Variants in BMPER observed in about 807,000 individuals in gnomAD.
The protein encoded by BMPER is BMP-binding endothelial regulator protein.
BMPER carries 45 observed loss-of-function variants against 87.3 expected under a neutral mutation model. The ratio of observed to expected loss-of-function variants is 0.52; its 90% confidence interval spans 0.41 to 0.66. The LOEUF (loss-of-function observed/expected upper bound fraction) is 0.66. Ranked by LOEUF, BMPER falls within the 30% of genes least tolerant of loss-of-function variation. The pLI, the probability that BMPER is intolerant of heterozygous loss-of-function variation, is 0.00. For missense variants in BMPER, 784 were observed against 867.5 expected, an observed-to-expected ratio of 0.90 and a Z score of 1.21; for synonymous variants, 326 against 316.2, an observed-to-expected ratio of 1.03 and a Z score of -0.33.
intron 13 of BMPER, among the ~76,000 whole-genome samples, chr7:34,101,346 G>C (rs919514561): frequency 6.6e-6 from 1 of 152,180 alleles, no homozygotes; most frequent in Non-Finnish European, 1.5e-5. Flanking sequence ...CAGGTGTACG[G>C]CACCCCTCAT....
intron 13 of BMPER, among the ~76,000 whole-genome samples, chr7:34,131,485 A>G (rs185556255): frequency 2.0e-5 from 3 of 152,304 alleles, no homozygotes; most frequent in African/African-American, 7.2e-5. Context: ...TAATGCACGT[A>G]GTGGAGGATT....
In BMPER at chr7:34,008,187, T is replaced by C. The variant is rs552062702; in HGVS notation, c.576+33403T>C. On this transcript the variant is annotated intron_variant, in intron 6 of 14. Coordinates refer to ENST00000649409, the MANE Select transcript of BMPER (RefSeq NM_001365308.1). ...AATGAAATATGGTACTTAAGTTATA[T>C]GTATTTCCACTTTTGTGAAGAGTCT... Among the ~76,000 whole-genome samples, 10 of 152,158 alleles carry C rather than the reference T, an allele frequency of 6.6e-5. No homozygotes were observed. The East Asian group carries it at 1.7e-3, about 27-fold the overall frequency.
At chr7:33,935,145 G>C (rs1585652230) in intron 2 of BMPER, among the ~76,000 whole-genome samples, 2 of 152,036 alleles carry the variant, frequency 1.3e-5, no homozygotes, top group Non-Finnish European at 2.9e-5. Context: ...TAAATCTAAG[G>C]GCTGTGCCTT....
At position 33,974,710 on chromosome 7, in the gene BMPER, T is replaced by C. The variant is rs1419254657; in HGVS notation, c.502T>C (p.Phe168Leu). The C allele has an allele frequency of 2.5e-6, 4 of 1,613,872 alleles. No individual in the cohort carries two copies. The highest frequency in any genetic ancestry group is 3.4e-6 in the Non-Finnish European group (4 of 1,179,954). The change falls in exon 6 of 15, where the codon TTT becomes CTT. Residue 168 changes from phenylalanine (F) to leucine (L), a missense_variant. By Grantham distance (22) the Phe-to-Leu change is conservative. Transcript: ENST00000649409. ...TCTTGTCTGCTTTCCAGGCTGTGTG[T>C]TTGAGGGTGTGCAGTATCAAGAAGG... ...MCCPTCPGCV[F>L]EGVQYQEGEE...
At chr7:33,918,350 G>C (rs1784135953) in intron 2 of BMPER, among the ~76,000 whole-genome samples, 1 of 152,204 alleles carries the variant, frequency 6.6e-6, no homozygotes, top group South Asian at 2.1e-4. Context: ...TTTGTGCCAA[G>C]ATACTAAAAT....
chr7:34,110,185 T>C (rs1381452967), intron 13 of BMPER, among the ~76,000 whole-genome samples: 1 of 152,156 alleles, frequency 6.6e-6, no homozygotes, highest in African/African-American at 2.4e-5. Context: ...ATTTTTATCA[T>C]CTTTGGTCTT....
At chr7:33,908,746 G>A (rs530970311) in intron 2 of BMPER, among the ~76,000 whole-genome samples, 34 of 152,296 alleles carry the variant, frequency 2.2e-4, no homozygotes, top group African/African-American at 7.9e-4. Context: ...TAGGACTTTG[G>A]CTATCAGCTT....
chr7:34,001,317 A>AT (rs148396071), intron 6 of BMPER, among the ~76,000 whole-genome samples: 2,427 of 151,896 alleles, frequency 0.016, 75 homozygotes, highest in African/African-American at 0.056. Context: ...CTTCATGGGA[A>AT]TTTTTTGAAT....
intron 13 of BMPER, among the ~76,000 whole-genome samples, chr7:34,126,726 A>T (rs1048715428): frequency 6.6e-6 from 1 of 152,108 alleles, no homozygotes; most frequent in African/African-American, 2.4e-5. Flanking sequence ...TGTGTAATTC[A>T]CTTCACTCAC....
chr7:33,995,605 T>C (rs1786385807), intron 6 of BMPER, among the ~76,000 whole-genome samples: 1 of 152,132 alleles, frequency 6.6e-6, no homozygotes, highest in South Asian at 2.1e-4. Flanking sequence ...CCATGTAAGA[T>C]TGATGATATT....
chr7:34,156,370 C>T lies in BMPER; in HGVS notation c.*3097C>T, dbSNP rs1791300257. ...TAAGAAACATAACCTGGTAAGTAGT[C>T]AATAAATTTTTCTTGAATCAATAAA... On this transcript the variant is annotated 3_prime_UTR_variant, in exon 15 of 15. Transcript: ENST00000649409. Among the ~76,000 whole-genome samples the T allele has an allele frequency of 6.6e-6, 1 of 152,180 alleles. No individual in the cohort carries two copies. The highest frequency in any genetic ancestry group is 1.5e-5 in the Non-Finnish European group (1 of 68,030).
intron 2 of BMPER, among the ~76,000 whole-genome samples, chr7:33,936,682 T>C (rs953270485): frequency 3.9e-5 from 6 of 152,214 alleles, no homozygotes; most frequent in African/African-American, 1.4e-4. Context: ...TCACCACATG[T>C]TCATTAGCAT....
intron 3 of BMPER, among the ~76,000 whole-genome samples, chr7:33,940,442 A>G (rs549932493): frequency 1.3e-5 from 2 of 152,320 alleles, no homozygotes; most frequent in East Asian, 3.9e-4. Context: ...GTAAAGGAAT[A>G]AGGACTGGAG....
At chr7:33,973,113 C>T (rs1380475945) in intron 5 of BMPER, among the ~76,000 whole-genome samples, 2 of 152,176 alleles carry the variant, frequency 1.3e-5, no homozygotes, top group Admixed American at 1.3e-4. Flanking sequence ...GCTCTTTGCT[C>T]AGGAATGGTG....
chr7:34,071,646 G>A (rs1400361365), intron 11 of BMPER, among the ~76,000 whole-genome samples: 4 of 137,840 alleles, frequency 2.9e-5, no homozygotes. Context: ...TGGATAGTGA[G>A]AGTGGCAAAA....
In BMPER at chr7:34,058,063, G is replaced by C. The variant is rs779852774; in HGVS notation, c.932G>C (p.Gly311Ala). 1.4e-5 allele frequency: 23 copies of C among 1,613,874 alleles called. No individual in the cohort carries two copies. The highest frequency in any genetic ancestry group is 1.7e-5 in the Non-Finnish European group (20 of 1,179,906). The change falls in exon 10 of 15, where the codon GGA becomes GCA. Residue 311 changes from glycine to alanine, a missense_variant. By Grantham distance (60) the Gly-to-Ala change is moderately conservative. Coordinates refer to ENST00000649409, the MANE Select transcript of BMPER (RefSeq NM_001365308.1). ...CKFGNKIFQDGEMWSSINCTI... is the reference protein window; with the variant it reads ...CKFGNKIFQDAEMWSSINCTI... ...ATCCTGTGCCCTCTCTTGTAGGATG[G>C]AGAGATGTGGTCCTCTATCAATTGT...
upstream of BMPER, chr7:33,905,419 GC>G (rs369109940): frequency 2.7e-5 from 3 of 110,466 alleles, no homozygotes; most frequent in South Asian, 5.5e-4. Flanking sequence ...CTCCCCGGGC[GC>G]CCCCACACCT....
upstream of BMPER, chr7:33,904,949 C>T (rs557412277): frequency 6.5e-6 from 1 of 153,042 alleles, no homozygotes; most frequent in East Asian, 1.9e-4. The surrounding 1 kb of genome is among the most constrained non-coding windows in gnomAD (Gnocchi z 5.4). Context: ...TGGTCCGCGC[C>T]CTGGGGCCCT....
intron 6 of BMPER, among the ~76,000 whole-genome samples, chr7:34,002,162 A>G (rs1429008754): frequency 6.6e-6 from 1 of 151,776 alleles, no homozygotes; most frequent in Non-Finnish European, 1.5e-5. Context: ...CGTTCTCTGT[A>G]GACAGATGAC....
Sources: allele counts gnomAD v4.1 joint callset (sites outside exome capture counted in the v4.1 genomes callset), GRCh38; gene constraint gnomAD v4.1.1; non-coding constraint Gnocchi (gnomAD v3.1); transcripts MANE v1.5; gene names NCBI Gene and HGNC (gene_info 2026-07-23, HGNC 2026-07-21).